Variants in SLC27A5 observed in about 807,000 individuals in gnomAD.
SLC27A5 encodes the protein solute carrier family 27 member 5, also known as long-chain fatty acid transport protein 5.
SLC27A5 carries 47 observed loss-of-function variants against 63.1 expected under a neutral mutation model. That is an observed-to-expected ratio of 0.74 (90% confidence interval 0.59 to 0.95). The LOEUF is 0.95. SLC27A5 is among the 40% of genes least tolerant of loss of function. SLC27A5 has a pLI of 0.00. For synonymous variants in SLC27A5, 391 were observed against 403.8 expected (o/e 0.97, Z 0.38); for missense variants, 940 against 921.0 (o/e 1.02, Z -0.27).
At position 58,511,394 on chromosome 19, in the gene SLC27A5, G is replaced by C; in HGVS notation, c.562C>G (p.Leu188Val). ...TTGGCCAGCCCCAGCCACATACACA[G>C]GGCTGGAACGGCCTGGGAAGCCAGC... ...LVLASQAVPALCMWLGLAKLG... is the reference protein window; with the variant it reads ...LVLASQAVPAVCMWLGLAKLG... The change falls in exon 1 of 10, where the codon CTG (leucine) becomes GTG (valine). Residue 188 changes from leucine to valine, a missense_variant. Leu to Val is a conservative substitution (Grantham distance 32). Coordinates refer to ENST00000263093, the MANE Select transcript of SLC27A5 (RefSeq NM_012254.3). 1 of 1,608,966 alleles carries C rather than the reference G, an allele frequency of 6.2e-7. No individual in the cohort carries two copies. Among genetic ancestry groups the C allele is most frequent in the Non-Finnish European group, 8.5e-7 (1 of 1,177,916 alleles).
At chr19:58,507,239 A>C (rs1024063766) in intron 3 of SLC27A5, 2 of 151,970 alleles carry the variant, frequency 1.3e-5, no homozygotes, top group African/African-American at 2.4e-5. Flanking sequence ...CACCTGTAAT[A>C]ACAGCTACTC....
intron 9 of SLC27A5, 42 bp from the exon 10 acceptor site, chr19:58,498,733 C>A (rs1322982661): frequency 1.4e-5 from 22 of 1,610,190 alleles, no homozygotes; most frequent in Non-Finnish European, 1.9e-5. Context: ...TGACATCCAC[C>A]CGCCCCCTGG....
intron 6 of SLC27A5, among the ~76,000 whole-genome samples, chr19:58,499,931 A>T (rs890932769): frequency 1.3e-5 from 2 of 152,132 alleles, no homozygotes; most frequent in Non-Finnish European, 2.9e-5. Context: ...GAGAAACAGG[A>T]AAAGGATAAC....
chr19:58,499,428 C>T (rs920863155), intron 7 of SLC27A5, 64 bp downstream of exon 7: 6 of 1,562,856 alleles, frequency 3.8e-6, no homozygotes, highest in East Asian at 2.3e-5. Flanking sequence ...GCCTGACTCC[C>T]TCTAGGATCT....
intron 3 of SLC27A5, among the ~76,000 whole-genome samples, chr19:58,506,981 G>A (rs901195415): frequency 6.6e-6 from 1 of 151,746 alleles, no homozygotes; most frequent in Non-Finnish European, 1.5e-5. Flanking sequence ...GACCTCAGGT[G>A]ATCCACCCGC....
Position 58,500,682 on chromosome 19 carries a change from C to G in SLC27A5, c.1207G>C (p.Val403Leu). 5.0e-6 allele frequency: 8 copies of G among 1,614,090 alleles called. No homozygotes were observed. The highest frequency in any genetic ancestry group is 6.8e-6 in the Non-Finnish European group (8 of 1,180,006). ...AGTCCATTGCCCATTGCCAGGCGGA[C>G]TGTATGTGTCCGGTCCTCTGGTTGC... is the stretch of plus-strand genomic sequence containing the variant. Reference protein sequence around the residue: ...PQQPEDRTHTVRLAMGNGLRA... With the variant: ...PQQPEDRTHTLRLAMGNGLRA... Residue 403 changes from valine to leucine, a missense_variant, in exon 5 of 10, where the codon GTC becomes CTC. Val to Leu is a conservative substitution (Grantham distance 32). Transcript: ENST00000263093.
rs549933832 is a variant in SLC27A5 at position 58,503,074 on chromosome 19, G to A, written c.1058-1664C>T. Among the ~76,000 whole-genome samples the A allele has an allele frequency of 4.2e-4, 64 of 151,948 alleles. No homozygotes were observed. The East Asian group carries it at 6.4e-3, about 15-fold the overall frequency. On this transcript the variant is annotated intron_variant, in intron 3 of 9. Coordinates refer to ENST00000263093, the MANE Select transcript of SLC27A5 (RefSeq NM_012254.3). ...CAAAAAATTAGCTGGGCGTGGTAGC[G>A]GGCGCCTGTAGTCCCAGCTACTCGG...
Position 58,498,821 on chromosome 19 carries a change from G to T in SLC27A5, c.1860C>A (p.Leu620=). ...TGAAATGGGGGGTAGCGTAGGCAGG[G>T]AGCCAAGCGCGAACGTGCTGGTACA... ...EKLYQHVRAW[L]PAYATPHFIR... The change falls in exon 9 of 10, where the codon CTC becomes CTA. Residue 620 remains leucine, a synonymous_variant. Transcript: ENST00000263093. 6.2e-7 allele frequency: 1 copy of T among 1,614,054 alleles called. No individual in the cohort carries two copies. The highest frequency in any genetic ancestry group is 2.2e-5 in the East Asian group (1 of 44,882).
intron 3 of SLC27A5, among the ~76,000 whole-genome samples, chr19:58,502,432 T>G (rs548495486): frequency 7.2e-6 from 1 of 138,646 alleles, no homozygotes; most frequent in African/African-American, 2.8e-5. Context: ...TGTGGACAGT[T>G]AGAGTAGTGA....
At chr19:58,499,100 T>A in intron 8 of SLC27A5, 23 bp downstream of exon 8, 1 of 1,613,460 alleles carries the variant, frequency 6.2e-7, no homozygotes, top group South Asian at 1.1e-5. Flanking sequence ...CTGTTGGAAG[T>A]TTAAAATGAG....
intron 1 of SLC27A5, 29 bp from the exon 2 acceptor site, chr19:58,510,959 A>G (rs1468839254): frequency 6.5e-7 from 1 of 1,536,406 alleles, no homozygotes; most frequent in Non-Finnish European, 8.8e-7. Flanking sequence ...GGAGAAACAG[A>G]GGCAAGGCTC....
chr19:58,509,705 T>G, intron 3 of SLC27A5, 142 bp downstream of exon 3: 2 of 712,610 alleles, frequency 2.8e-6, no homozygotes, highest in Non-Finnish European at 4.5e-6. Context: ...GCGGCCCTGG[T>G]AGTCATTGGT....
intron 1 of SLC27A5, 152 bp from the exon 2 acceptor site, chr19:58,511,082 G>A: frequency 1.1e-6 from 1 of 926,412 alleles, no homozygotes; most frequent in Non-Finnish European, 1.6e-6. Flanking sequence ...AGTATTTTTG[G>A]TCAAATTGTG....
intron 3 of SLC27A5, among the ~76,000 whole-genome samples, chr19:58,502,939 C>G (rs62117656): frequency 1 from 151,668 of 151,856 alleles, 75,740 homozygotes; most frequent in South Asian, 1. Flanking sequence ...GGGTGAGGAT[C>G]GTCACGCCTG....
chr19:58,504,984 C>T (rs538283902), intron 3 of SLC27A5, among the ~76,000 whole-genome samples: 4 of 147,818 alleles, frequency 2.7e-5, no homozygotes, highest in East Asian at 2.0e-4. Context: ...CCAGCCTGGG[C>T]GACAGAGCGA....
chr19:58,511,992 T>C lies in SLC27A5; in HGVS notation c.-37A>G. On this transcript the variant is annotated 5_prime_UTR_variant, in exon 1 of 10. Transcript: ENST00000263093. ...CTCCCTAGGAGCAGCAGCTGTGGAG[T>C]GTTCAGGCTCACCTCTGGCCCCTCA... The C allele has an allele frequency of 6.7e-7, 1 of 1,496,616 alleles. No individual in the cohort carries two copies. The highest frequency in any genetic ancestry group is 8.9e-7 in the Non-Finnish European group (1 of 1,121,558). The allele number at this position is 1,496,616 out of a possible 1,614,324, so 92.7% of individuals were successfully genotyped here.
chr19:58,501,666 A>G (rs532579125), intron 3 of SLC27A5, among the ~76,000 whole-genome samples: 66 of 152,242 alleles, frequency 4.3e-4, no homozygotes, highest in African/African-American at 1.6e-3. Context: ...AGGGCTGTAA[A>G]TATTAAATTT....
rs2053413550 is a variant in SLC27A5 at position 58,511,635 on chromosome 19, G to A, written c.321C>T (p.Cys107=). 1.3e-6 allele frequency: 2 copies of A among 1,599,500 alleles called. No individual in the cohort carries two copies. The highest frequency in any genetic ancestry group is 3.4e-5 in the Admixed American group (2 of 58,820). ...AGGTGTCAGGCGGCTGCCGGCTCAA[G>A]CATCCCCTGATCTTCAGGCCCAGGT... The part of the protein sequence containing the change: ...ILHLGLKIRG[C]LSRQPPDTFV... Residue 107 remains cysteine, a synonymous_variant, in exon 1 of 10, where the codon TGC becomes TGT. Transcript: ENST00000263093.
chr19:58,498,927 T>A lies in SLC27A5; in HGVS notation c.1766-12A>T, dbSNP rs1475508350. ...CTTACCCTCACAACCTAGAGAGCAG[T>A]CTGGTCACTCTCGGCTGACCCATCT... On this transcript the variant is annotated splice_polypyrimidine_tract_variant and intron_variant, in intron 8 of 9. Coordinates refer to ENST00000263093, the MANE Select transcript of SLC27A5 (RefSeq NM_012254.3). The A allele has an allele frequency of 6.2e-7, 1 of 1,608,338 alleles. No individual in the cohort carries two copies. The highest frequency in any genetic ancestry group is 8.5e-7 in the Non-Finnish European group (1 of 1,178,346).
Sources: allele counts gnomAD v4.1 joint callset (sites outside exome capture counted in the v4.1 genomes callset), GRCh38; gene constraint gnomAD v4.1.1; transcripts MANE v1.5; gene names NCBI Gene and HGNC (gene_info 2026-07-23, HGNC 2026-07-21).